The following LRRC7 variants were observed in gnomAD, a reference collection of about 807,000 sequenced individuals.
LRRC7 encodes the protein leucine rich repeat containing 7.
LRRC7 carries 23 observed loss-of-function variants against 175.7 expected under a neutral mutation model. That is an observed-to-expected ratio of 0.13 (90% confidence interval 0.09 to 0.19). The LOEUF (loss-of-function observed/expected upper bound fraction) is 0.19. LRRC7 is among the 10% of genes least tolerant of loss of function. The pLI is 1.00. For missense variants in LRRC7, 1,354 were observed against 1,904.7 expected (o/e 0.71, Z 5.38); for synonymous variants, 685 against 680.9 (o/e 1.01, Z -0.09).
rs1311883495 is a variant in LRRC7, at chr1:70,123,206, T to G, written c.*1319T>G. 1.3e-5 allele frequency: 2 copies of G among 152,316 alleles called. No homozygotes were observed. Among genetic ancestry groups the G allele is most frequent in the Non-Finnish European group, 2.9e-5 (2 of 67,968 alleles). The allele number at this position is 152,316 out of a possible 1,614,324, so 9.4% of individuals were successfully genotyped here. On this transcript the variant is annotated 3_prime_UTR_variant, in exon 27 of 27. Transcript: ENST00000651989. ...TCCTTTAAAATACTTATCTTTCATA[T>G]TAGTCATTAATTTAATTACAATATT...
intron 1 of LRRC7, among the ~76,000 whole-genome samples, chr1:69,593,058 A>G (rs1048773414): frequency 1.3e-5 from 2 of 152,120 alleles, no homozygotes; most frequent in African/African-American, 4.8e-5. Flanking sequence ...TCTCACTTCT[A>G]AACAAATGTT....
chr1:69,747,614 T>C (rs1182816703), intron 2 of LRRC7, among the ~76,000 whole-genome samples: 1 of 152,212 alleles, frequency 6.6e-6, no homozygotes, highest in Non-Finnish European at 1.5e-5. Context: ...TCAAATCTTG[T>C]TGCCTTTCAT....
chr1:69,958,774 C>G (rs1180712147), intron 8 of LRRC7, among the ~76,000 whole-genome samples: 2 of 152,010 alleles, frequency 1.3e-5, no homozygotes, highest in East Asian at 3.9e-4. Flanking sequence ...CCCAATTCAA[C>G]TTCAACTAAG....
chr1:69,660,148 T>A (rs1292275777), intron 1 of LRRC7, among the ~76,000 whole-genome samples: 1 of 151,516 alleles, frequency 6.6e-6, no homozygotes, highest in African/African-American at 2.4e-5. Flanking sequence ...TCATGAGGGG[T>A]TCTGCAACTA....
chr1:69,608,802 T>C (rs1648081234), intron 1 of LRRC7, among the ~76,000 whole-genome samples: 1 of 119,038 alleles, frequency 8.4e-6, no homozygotes, highest in Non-Finnish European at 1.7e-5. Context: ...TCCTATAAGT[T>C]GCTCTGTCTG....
chr1:70,114,419 T>C (rs1665719105), intron 26 of LRRC7, among the ~76,000 whole-genome samples: 1 of 152,128 alleles, frequency 6.6e-6, no homozygotes. Flanking sequence ...ATCCCAGTGC[T>C]TTGGGAGGCA....
intron 18 of LRRC7, chr1:70,031,198 G>A (rs888819589): frequency 5.9e-5 from 9 of 152,190 alleles, no homozygotes. Flanking sequence ...GTCCATCCTT[G>A]TATTGCCTGA....
At position 69,726,435 on chromosome 1, in the gene LRRC7, A is replaced by C. The variant is rs565689066; in HGVS notation, c.101-33756A>C. Reference sequence around the variant, plus strand: ...TGGAACAATGACAATAGTTGTATTGATGTCATTAAATATGGCACCACTGGT... The same window carrying C: ...TGGAACAATGACAATAGTTGTATTGCTGTCATTAAATATGGCACCACTGGT... On this transcript the variant is annotated intron_variant, in intron 2 of 26. Coordinates refer to ENST00000651989, the MANE Select transcript of LRRC7 (RefSeq NM_001370785.2). Among the ~76,000 whole-genome samples, 3 of 152,346 alleles carry C rather than the reference A, an allele frequency of 2.0e-5. No individual in the cohort carries two copies. The South Asian group carries it at 6.2e-4, about 32-fold the overall frequency.
At chr1:69,950,528 G>A (rs2101820830) in intron 8 of LRRC7, among the ~76,000 whole-genome samples, 1 of 152,178 alleles carries the variant, frequency 6.6e-6, no homozygotes, top group Admixed American at 6.6e-5. Context: ...TCCTATGAAT[G>A]ACAAATAGTC....
chr1:70,067,225 A>C (rs941977193), intron 23 of LRRC7, among the ~76,000 whole-genome samples: 1 of 151,434 alleles, frequency 6.6e-6, no homozygotes, highest in Non-Finnish European at 1.5e-5. Flanking sequence ...ATTTTCTCCA[A>C]CTCTGTAGCT....
chr1:70,103,607 G>C (rs540769412), intron 25 of LRRC7, among the ~76,000 whole-genome samples: 2 of 152,282 alleles, frequency 1.3e-5, no homozygotes, highest in East Asian at 1.9e-4. Flanking sequence ...AGCCCAGTGA[G>C]ACCTATGTTG....
intron 7 of LRRC7, among the ~76,000 whole-genome samples, chr1:69,887,236 C>G (rs1184221673): frequency 8.0e-6 from 1 of 125,496 alleles, no homozygotes; most frequent in African/African-American, 3.3e-5. Context: ...TCCATTCTCC[C>G]CATCACTTTC....
intron 2 of LRRC7, among the ~76,000 whole-genome samples, chr1:69,695,338 T>A (rs1463441252): frequency 1.3e-5 from 2 of 152,200 alleles, no homozygotes; most frequent in Non-Finnish European, 2.9e-5. Context: ...ATTCAAAATG[T>A]GGCATGGCTT....
intron 1 of LRRC7, among the ~76,000 whole-genome samples, chr1:69,643,619 G>A (rs1265054473): frequency 2.0e-5 from 3 of 152,086 alleles, no homozygotes; most frequent in South Asian, 2.1e-4. Context: ...CTCCTTGCTA[G>A]GTCATGTGAT....
chr1:69,613,580 T>C (rs1425503847), intron 1 of LRRC7, among the ~76,000 whole-genome samples: 1 of 152,054 alleles, frequency 6.6e-6, no homozygotes, highest in East Asian at 1.9e-4. Context: ...GCAGCCTTCT[T>C]TGCCTGCATT....
At chr1:69,603,333 C>A (rs1049507449) in intron 1 of LRRC7, among the ~76,000 whole-genome samples, 2 of 152,122 alleles carry the variant, frequency 1.3e-5, no homozygotes, top group African/African-American at 4.8e-5. Context: ...TTCATGAATA[C>A]ATTTTGTTAA....
At chr1:69,704,091 C>T (rs907366245) in intron 2 of LRRC7, among the ~76,000 whole-genome samples, 4 of 151,896 alleles carry the variant, frequency 2.6e-5, no homozygotes, top group Non-Finnish European at 5.9e-5. Flanking sequence ...CTTCCAGGAA[C>T]CACAAATATA....
chr1:70,080,968 A>T (rs1663165534), intron 24 of LRRC7, among the ~76,000 whole-genome samples: 1 of 152,154 alleles, frequency 6.6e-6, no homozygotes, highest in South Asian at 2.1e-4. Flanking sequence ...CATCCACCTT[A>T]TCCTCCCCTT....
At chr1:70,092,630 G>A (rs765328228) in intron 25 of LRRC7, among the ~76,000 whole-genome samples, 9 of 152,050 alleles carry the variant, frequency 5.9e-5, no homozygotes, top group Non-Finnish European at 1.2e-4. Context: ...CATCCAAAAC[G>A]ATTACAGCCA....
Sources: allele counts gnomAD v4.1 joint callset (sites outside exome capture counted in the v4.1 genomes callset), GRCh38; gene constraint gnomAD v4.1.1; transcripts MANE v1.5; gene names NCBI Gene and HGNC (gene_info 2026-07-23, HGNC 2026-07-21).